Variants in SLC39A14 observed in about 807,000 individuals in gnomAD.
SLC39A14 encodes solute carrier family 39 member 14, also known as metal cation symporter ZIP14.
A neutral mutation model predicts 45.5 loss-of-function variants in SLC39A14; 19 were observed. The observed-to-expected ratio is 0.42, with a 90% CI of 0.29 to 0.61. SLC39A14 has a LOEUF of 0.61. Among genes scored for constraint, SLC39A14 ranks in the 20% least tolerant of loss-of-function variants. The probability of loss-of-function intolerance (pLI) is 0.22; values close to 1 mark genes in which losing one functional copy is unlikely to be tolerated. For synonymous variants in SLC39A14, 264 were observed against 251.3 expected, an observed-to-expected ratio of 1.05 and a Z score of -0.48; for missense variants, 447 against 616.5, an observed-to-expected ratio of 0.73 and a Z score of 2.91.
At chr8:22,395,133 C>A (rs1834314112) in intron 1 of SLC39A14, among the ~76,000 whole-genome samples, 1 of 152,030 alleles carries the variant, frequency 6.6e-6, no homozygotes, top group South Asian at 2.1e-4. Context: ...CCCCAGCCTC[C>A]TGAGTAGCTG....
chr8:22,368,032 TC>T (rs1832730541), intron 1 of SLC39A14, among the ~76,000 whole-genome samples: 1 of 152,108 alleles, frequency 6.6e-6, no homozygotes, highest in South Asian at 2.1e-4. Flanking sequence ...CATCATCTGA[TC>T]CTGAGGTCCA....
In SLC39A14 at chr8:22,404,873, G is replaced by A; in HGVS notation, c.163G>A (p.Asp55Asn). The A allele has an allele frequency of 5.6e-6, 9 of 1,614,188 alleles. No individual in the cohort carries two copies. Among genetic ancestry groups the A allele is most frequent in the Non-Finnish European group, 7.6e-6 (9 of 1,180,032 alleles). ...TCTAATACATCGGTATGGCGAGGGT[G>A]ACAGCCTCACTCTGCAGCAGCTGAA... The part of the protein sequence containing the change: ...QDLIHRYGEG[D>N]SLTLQQLKAL... Residue 55 changes from aspartate (D) to asparagine (N), a missense_variant, in exon 2 of 9, where the codon GAC becomes AAC. By Grantham distance (23) the Asp-to-Asn change is conservative. Transcript: ENST00000381237.
chr8:22,388,367 G>T (rs911057216), intron 1 of SLC39A14, among the ~76,000 whole-genome samples: 3 of 152,150 alleles, frequency 2.0e-5, no homozygotes, highest in African/African-American at 7.2e-5. Flanking sequence ...GGGGAGGAGT[G>T]TGGAGATAGA....
chr8:22,388,653 G>A (rs1833910421), intron 1 of SLC39A14, among the ~76,000 whole-genome samples: 1 of 152,132 alleles, frequency 6.6e-6, no homozygotes, highest in African/African-American at 2.4e-5. Context: ...CTGTTCAGGA[G>A]CCTGGAATCG....
At chr8:22,431,187 C>T (rs1586764643) in intron 8 of SLC39A14, among the ~76,000 whole-genome samples, 1 of 151,854 alleles carries the variant, frequency 6.6e-6, no homozygotes, top group Non-Finnish European at 1.5e-5. Context: ...CAGGGTTTCA[C>T]TGTGTTAGCC....
intron 8 of SLC39A14, among the ~76,000 whole-genome samples, chr8:22,433,258 G>T (rs550557370): frequency 6.6e-6 from 1 of 151,508 alleles, no homozygotes; most frequent in South Asian, 2.1e-4. Context: ...TGTCAGTTTT[G>T]GTTCGTTTCC....
At chr8:22,381,346 C>T (rs1586651043) in intron 1 of SLC39A14, among the ~76,000 whole-genome samples, 1 of 151,924 alleles carries the variant, frequency 6.6e-6, no homozygotes. Flanking sequence ...GCTAGGCTCA[C>T]GGCAAGCTCC....
chr8:22,417,753 T>C lies in SLC39A14; in HGVS notation c.1250T>C (p.Ile417Thr), dbSNP rs1363923466. The C allele has an allele frequency of 6.2e-7, 1 of 1,614,228 alleles. No individual in the cohort carries two copies. Among genetic ancestry groups the C allele is most frequent in the Admixed American group, 1.7e-5 (1 of 60,026 alleles). The part of the protein sequence containing the change: ...CCCYLGLAFG[I>T]LAGSHFSANW... ...TGCTACCTGGGTCTGGCCTTTGGCA[T>C]CCTGGCCGGCAGCCACTTCTCTGCC... Residue 417 changes from isoleucine (I) to threonine (T), a missense_variant, in exon 8 of 9, where the codon ATC becomes ACC. Physicochemically the swap from Ile to Thr is moderately conservative, Grantham distance 89 (BLOSUM62 -1). Around this residue, in one of 2 missense-constraint regions of SLC39A14, gnomAD observed 105 missense variants for 188.4 expected, o/e 0.56. Coordinates refer to ENST00000381237, the MANE Select transcript of SLC39A14 (RefSeq NM_001128431.4).
Position 22,421,819 on chromosome 8 carries a change from T to C in SLC39A14, c.*2121T>C. 1.0e-6 allele frequency: 1 copy of C among 984,894 alleles called. No individual in the cohort carries two copies. Among genetic ancestry groups the C allele is most frequent in the Non-Finnish European group, 1.2e-6 (1 of 829,456 alleles). 61.0% of individuals were successfully genotyped at this position (984,894 alleles called of 1,614,324 possible). A position where few individuals can be genotyped will look rare whatever the true frequency, so the allele number is the denominator to read the frequency against. On this transcript the variant is annotated 3_prime_UTR_variant, in exon 9 of 9. Transcript: ENST00000381237. ...TGGATTTCTAGTTTAGGAGAGGAGCTCAAAACTATAATCTTTAACAAATTG... is the reference window on the plus strand; with the variant it reads ...TGGATTTCTAGTTTAGGAGAGGAGCCCAAAACTATAATCTTTAACAAATTG...
intron 1 of SLC39A14, among the ~76,000 whole-genome samples, chr8:22,400,734 G>A (rs1834807266): frequency 6.6e-6 from 1 of 152,200 alleles, no homozygotes; most frequent in Non-Finnish European, 1.5e-5. Context: ...GGATCCTAAA[G>A]CATGTGATGT....
intron 1 of SLC39A14, among the ~76,000 whole-genome samples, chr8:22,383,639 T>TGCAGGGAGGCTGGCCC: frequency 6.6e-6 from 1 of 152,212 alleles, no homozygotes; most frequent in Non-Finnish European, 1.5e-5. Context: ...CGTGCTGGCC[T>TGCAGGGAGGCTGGCCC]GCAGGGAGGC....
intron 1 of SLC39A14, among the ~76,000 whole-genome samples, chr8:22,370,833 G>T (rs1563466235): frequency 6.6e-6 from 1 of 152,140 alleles, no homozygotes; most frequent in South Asian, 2.1e-4. Flanking sequence ...CAGCCCAGCC[G>T]GGACTCACCG....
intron 3 of SLC39A14, 83 bp from the exon 4 acceptor site, chr8:22,411,954 C>T (rs897931100): frequency 5.3e-6 from 7 of 1,315,470 alleles, no homozygotes; most frequent in East Asian, 2.5e-5. Context: ...ACCTTCCTCC[C>T]GCTAAATGGT....
chr8:22,370,620 G>C (rs140829461), intron 1 of SLC39A14, among the ~76,000 whole-genome samples: 100 of 152,288 alleles, frequency 6.6e-4, no homozygotes, highest in Non-Finnish European at 1.1e-3. Context: ...ACCAAAGAAG[G>C]GTTCTATTTT....
At chr8:22,429,086 C>G (rs1836430477) in intron 8 of SLC39A14, among the ~76,000 whole-genome samples, 1 of 151,988 alleles carries the variant, frequency 6.6e-6, no homozygotes, top group Non-Finnish European at 1.5e-5. Context: ...TCCTGGCTAA[C>G]ACGGTGAAAC....
rs575522321 is a variant in SLC39A14, at chr8:22,420,416, G to A, written c.*718G>A. The A allele has an allele frequency of 2.3e-4, 222 of 985,404 alleles. 1 individual carries two copies. The African/African-American group carries it at 2.8e-3, about 13-fold the overall frequency. The allele number at this position is 985,404 out of a possible 1,614,324, so 61.0% of individuals were successfully genotyped here. A position where few individuals can be genotyped will look rare whatever the true frequency, so the allele number is the denominator to read the frequency against. On this transcript the variant is annotated 3_prime_UTR_variant, in exon 9 of 9. Transcript: ENST00000381237. ...GGCTGTCCGAGTGAGCTAACGTGGC[G>A]GTGTGGCTGCCTGGACCTCCTCTTT...
chr8:22,397,642 T>C (rs937479449), intron 1 of SLC39A14, among the ~76,000 whole-genome samples: 3 of 152,094 alleles, frequency 2.0e-5, no homozygotes, highest in Non-Finnish European at 4.4e-5. Context: ...GGCTTTGTCC[T>C]TTGTCTGCAA....
chr8:22,403,422 G>A (rs912652950), intron 1 of SLC39A14, among the ~76,000 whole-genome samples: 3 of 151,800 alleles, frequency 2.0e-5, no homozygotes, highest in African/African-American at 7.3e-5. Context: ...TGGGATTACA[G>A]ACGTGCACCA....
chr8:22,401,539 C>CTTTATTTTTTTT (rs1478354009), intron 1 of SLC39A14, among the ~76,000 whole-genome samples: 1 of 115,716 alleles, frequency 8.6e-6, no homozygotes, highest in Non-Finnish European at 1.8e-5. Flanking sequence ...TTTCTCTTCT[C>CTTTATTTTTTTT]TTTCTTTTTT....
Sources: allele counts gnomAD v4.1 joint callset (sites outside exome capture counted in the v4.1 genomes callset), GRCh38; gene constraint gnomAD v4.1.1; regional missense constraint gnomAD v4.1.1; transcripts MANE v1.5; gene names NCBI Gene and HGNC (gene_info 2026-07-23, HGNC 2026-07-21).